ADAM12: variants seen among roughly 807,000 people sequenced by gnomAD.
ADAM12 encodes the protein ADAM metallopeptidase domain 12, also known as disintegrin and metalloproteinase domain-containing protein 12.
A neutral mutation model predicts 106.4 loss-of-function variants in ADAM12; 70 were observed. That is an observed-to-expected ratio of 0.66 (90% CI 0.54 to 0.80). ADAM12 has a LOEUF of 0.80. ADAM12 is among the 30% of genes least tolerant of loss of function. The pLI is 0.00. For synonymous variants in ADAM12, 420 were observed against 433.5 expected (o/e 0.97, Z 0.39); for missense variants, 1,010 against 1,171.9 (o/e 0.86, Z 2.02).
At chr10:126,153,539 T>C (rs889636101) in intron 4 of ADAM12, among the ~76,000 whole-genome samples, 2 of 152,212 alleles carry the variant, frequency 1.3e-5, no homozygotes, top group African/African-American at 4.8e-5. Context: ...GGAATTTCTA[T>C]TAGACCCATT....
At chr10:126,191,208 G>A (rs1957494715) in intron 3 of ADAM12, among the ~76,000 whole-genome samples, 1 of 151,920 alleles carries the variant, frequency 6.6e-6, no homozygotes, top group South Asian at 2.1e-4. Context: ...TGCCATGTTA[G>A]TCAGGCTGGT....
chr10:126,045,466 G>A (rs1224739828), intron 17 of ADAM12, among the ~76,000 whole-genome samples: 6 of 152,122 alleles, frequency 3.9e-5, no homozygotes, highest in Non-Finnish European at 2.9e-5. Flanking sequence ...AAAGGTTTCA[G>A]GAAAACAAAT....
intron 3 of ADAM12, among the ~76,000 whole-genome samples, chr10:126,179,910 A>G (rs1338634177): frequency 6.6e-6 from 1 of 152,206 alleles, no homozygotes; most frequent in Non-Finnish European, 1.5e-5. Context: ...TGGTGACCGC[A>G]CACCAATGCT....
intron 2 of ADAM12, among the ~76,000 whole-genome samples, chr10:126,292,653 T>C (rs754147096): frequency 2.0e-5 from 3 of 152,186 alleles, no homozygotes; most frequent in African/African-American, 7.2e-5. Flanking sequence ...AGATAATAAA[T>C]ACATTAAGCT....
chr10:126,062,553 G>A (rs192417341), intron 14 of ADAM12, among the ~76,000 whole-genome samples: 1 of 152,244 alleles, frequency 6.6e-6, no homozygotes. Flanking sequence ...TCTCTCTCTG[G>A]TCAGGCAGCT....
intron 2 of ADAM12, among the ~76,000 whole-genome samples, chr10:126,313,260 C>T (rs1961194018): frequency 6.6e-6 from 1 of 152,198 alleles, no homozygotes; most frequent in Non-Finnish European, 1.5e-5. Context: ...TTTCCCCCAC[C>T]AGTTGAGAGG....
Position 126,102,448 on chromosome 10 carries a change from C to T in ADAM12, c.742-1207G>A, listed in dbSNP as rs116621953. Among the ~76,000 whole-genome samples, 722 of 152,300 alleles carry T rather than the reference C, an allele frequency of 4.7e-3. 9 individuals are homozygous for T. The highest frequency in any genetic ancestry group is 0.017 in the African/African-American group (702 of 41,574). ...AATAACAAAACTTATAGAAGTTCTG[C>T]ATTTGCTAGTTAGGCACCATTCCAA... On this transcript the variant is annotated intron_variant, in intron 8 of 22. Transcript: ENST00000448723.
At chr10:126,261,121 CA>C (rs1958993174) in intron 3 of ADAM12, among the ~76,000 whole-genome samples, 1 of 152,082 alleles carries the variant, frequency 6.6e-6, no homozygotes, top group African/African-American at 2.4e-5. Flanking sequence ...AGGTTATATG[CA>C]AATACTATGC....
chr10:126,040,193 C>T (rs907564920), intron 18 of ADAM12, among the ~76,000 whole-genome samples: 2 of 152,194 alleles, frequency 1.3e-5, no homozygotes, highest in East Asian at 1.9e-4. Flanking sequence ...CTATGGTCAG[C>T]GGCTGTCTGG....
intron 2 of ADAM12, among the ~76,000 whole-genome samples, chr10:126,311,851 T>C (rs1395834899): frequency 6.6e-6 from 1 of 152,102 alleles, no homozygotes; most frequent in Non-Finnish European, 1.5e-5. Flanking sequence ...ATATATTTTA[T>C]AATAAAGTAG....
intron 21 of ADAM12, among the ~76,000 whole-genome samples, chr10:126,026,711 C>A (rs1161352399): frequency 1.3e-5 from 2 of 152,162 alleles, no homozygotes; most frequent in Admixed American, 1.3e-4. Flanking sequence ...TCAAAAAGTT[C>A]TTTGAAACTA....
At chr10:126,084,723 A>T (rs1590386973) in intron 11 of ADAM12, among the ~76,000 whole-genome samples, 1 of 152,208 alleles carries the variant, frequency 6.6e-6, no homozygotes, top group Admixed American at 6.5e-5. Context: ...CACCAGGGCA[A>T]TGTGGAACTC....
chr10:126,076,421 G>C (rs1955103504), intron 11 of ADAM12, among the ~76,000 whole-genome samples: 1 of 152,254 alleles, frequency 6.6e-6, no homozygotes, highest in Admixed American at 6.5e-5. Context: ...ATTTTCTTTT[G>C]GATATATACA....
chr10:126,274,975 G>A (rs1959210191), intron 3 of ADAM12, among the ~76,000 whole-genome samples: 1 of 152,202 alleles, frequency 6.6e-6, no homozygotes, highest in South Asian at 2.1e-4. Context: ...AAGTTGCCCT[G>A]TAAGAGATGT....
intron 1 of ADAM12, among the ~76,000 whole-genome samples, chr10:126,366,397 A>C (rs576769992): frequency 6.6e-6 from 1 of 152,262 alleles, no homozygotes; most frequent in South Asian, 2.1e-4. Flanking sequence ...TAAGTTAAAG[A>C]TACATATTCT....
rs185861387 is a variant in ADAM12, at chr10:126,388,357, T to G, written c.-212A>C. ...GTTTCCCCCCGTGTGTGTGCGTGCG[T>G]GCGCGCGCGCGCGCCGTTCTGGCAC... On this transcript the variant is annotated 5_prime_UTR_variant, in exon 1 of 23. Transcript: ENST00000448723. This position sits in a 1 kb window ranked among gnomAD's most constrained non-coding sequence, Gnocchi z 4.4. The G allele has an allele frequency of 1.6e-6, 1 of 640,138 alleles. No homozygotes were observed. Among genetic ancestry groups the G allele is most frequent in the Non-Finnish European group, 2.1e-6 (1 of 468,622 alleles). 39.7% of individuals were successfully genotyped at this position (640,138 alleles called of 1,614,324 possible).
At chr10:126,359,915 C>A (rs1181896359) in intron 1 of ADAM12, among the ~76,000 whole-genome samples, 2 of 152,356 alleles carry the variant, frequency 1.3e-5, no homozygotes, top group African/African-American at 2.4e-5. Context: ...TCTGCCTGGG[C>A]ATCCAGGCAT....
Position 126,066,803 on chromosome 10 carries a change from A to G in ADAM12, c.1327T>C (p.Cys443Arg), listed in dbSNP as rs752015649. 3.7e-6 allele frequency: 6 copies of G among 1,613,892 alleles called. No homozygotes were observed. The highest frequency in any genetic ancestry group is 5.1e-6 in the Non-Finnish European group (6 of 1,179,750). The change falls in exon 13 of 23, where the codon TGT becomes CGT. Residue 443 changes from cysteine (C) to arginine (R), a missense_variant. Transcript: ENST00000448723. This position sits in a 1 kb window ranked among gnomAD's most constrained non-coding sequence, Gnocchi z 5.1. ...EECDCGEPEE[C>R]MNRCCNATTC... is the part of the protein sequence containing the mutation. ...GTGGCATTGCAGCAGCGATTCATAC[A>G]TTCCTGGAAAGGGGAATGGCATTTG...
intron 3 of ADAM12, among the ~76,000 whole-genome samples, chr10:126,257,816 A>AGGAAAGGCTCAGCAGCGCAAATGACTCC (rs1958922776): frequency 6.6e-6 from 1 of 152,230 alleles, no homozygotes; most frequent in East Asian, 1.9e-4. Context: ...CCAAGGGCTC[A>AGGAAAGGCTCAGCAGCGCAAATGACTCC]GGAAAGGCTC....
Sources: allele counts gnomAD v4.1 joint callset (sites outside exome capture counted in the v4.1 genomes callset), GRCh38; gene constraint gnomAD v4.1.1; non-coding constraint Gnocchi (gnomAD v3.1); transcripts MANE v1.5; gene names NCBI Gene and HGNC (gene_info 2026-07-23, HGNC 2026-07-21).